The following ZNF546 variants were observed in gnomAD, a reference collection of about 807,000 sequenced individuals.
The protein encoded by ZNF546 is CTC-471F3.6.
In ZNF546, 60 loss-of-function variants were observed where a neutral mutation model predicts 76.2. That is an observed-to-expected ratio of 0.79 (90% CI 0.64 to 0.98). ZNF546 has a LOEUF of 0.98. ZNF546 is among the 50% of genes least tolerant of loss of function. The probability of loss-of-function intolerance (pLI) is 0.00; values close to 1 mark genes in which losing one functional copy is unlikely to be tolerated. For missense variants in ZNF546, 936 were observed against 1,035.6 expected, an observed-to-expected ratio of 0.90 and a Z score of 1.32; for synonymous variants, 277 against 328.1, an observed-to-expected ratio of 0.84 and a Z score of 1.68.
At chr19:40,004,277 TA>T (rs1188782709) in intron 3 of ZNF546, among the ~76,000 whole-genome samples, 1 of 151,856 alleles carries the variant, frequency 6.6e-6, no homozygotes. Flanking sequence ...ATTTTTATTT[TA>T]TTTTTTTGAG....
chr19:40,002,288 TATATG>T (rs763094158), intron 3 of ZNF546, among the ~76,000 whole-genome samples: 1 of 152,252 alleles, frequency 6.6e-6, no homozygotes, highest in Non-Finnish European at 1.5e-5. Flanking sequence ...TATAAGTTGT[TATATG>T]ATAAATGTCT....
intron 3 of ZNF546, among the ~76,000 whole-genome samples, chr19:39,998,788 T>C (rs1360758959): frequency 6.6e-6 from 1 of 152,210 alleles, no homozygotes; most frequent in East Asian, 1.9e-4. Context: ...TTTTTCTTTT[T>C]TTGAGAAGGA....
rs752343867 is a variant in ZNF546, at chr19:40,013,876, A to G, written c.606A>G (p.Ile202Met). The change falls in exon 7 of 7, where the codon ATA becomes ATG. Residue 202 changes from isoleucine (I) to methionine (M), a missense_variant. Ile to Met is a conservative substitution (Grantham distance 10). Coordinates refer to ENST00000347077, the MANE Select transcript of ZNF546 (RefSeq NM_178544.5). ...CVSQMLIQKQISHPLHPKIHA... is the reference protein window; with the variant it reads ...CVSQMLIQKQMSHPLHPKIHA... ...GTCAAATGCTAATCCAAAAACAAAT[A>G]TCTCATCCTCTACATCCAAAAATTC... 5.2e-5 allele frequency: 83 copies of G among 1,607,748 alleles called. 1 individual carries two copies. The highest frequency in any genetic ancestry group is 2.2e-5 in the Non-Finnish European group (26 of 1,177,004).
chr19:40,011,350 CG>C (rs1187118979), intron 6 of ZNF546: 1 of 151,968 alleles, frequency 6.6e-6, no homozygotes, highest in East Asian at 1.9e-4. Context: ...CTCAGCCTCC[CG>C]AGTAGCTAGG....
chr19:40,004,415 G>A (rs1008654339), intron 3 of ZNF546, among the ~76,000 whole-genome samples: 4 of 151,948 alleles, frequency 2.6e-5, no homozygotes, highest in African/African-American at 9.6e-5. Context: ...TTACAGGCAT[G>A]TGCCACCACA....
chr19:39,998,126 T>C, intron 2 of ZNF546, 122 bp from the exon 3 acceptor site: 1 of 558,766 alleles, frequency 1.8e-6, no homozygotes, highest in Non-Finnish European at 3.2e-6. Flanking sequence ...ATTTTTCCCT[T>C]TGAAGAAGTT....
intron 6 of ZNF546, among the ~76,000 whole-genome samples, chr19:40,013,186 T>G (rs1348657010): frequency 6.6e-6 from 1 of 152,218 alleles, no homozygotes; most frequent in Non-Finnish European, 1.5e-5. Flanking sequence ...TACAATAATT[T>G]AGAGTTCTCT....
chr19:40,007,868 C>T, intron 5 of ZNF546, among the ~76,000 whole-genome samples: 1 of 152,162 alleles, frequency 6.6e-6, no homozygotes, highest in Non-Finnish European at 1.5e-5. Flanking sequence ...GAGACATATT[C>T]TCCTTAACCT....
intron 4 of ZNF546, 108 bp downstream of exon 4, chr19:40,006,290 C>CTGCTCCCTAGT (rs1971601454): frequency 2.1e-6 from 2 of 952,850 alleles, no homozygotes; most frequent in Non-Finnish European, 3.2e-6. Flanking sequence ...GTTGTGGAAC[C>CTGCTCCCTAGT]TGCTCCCTAG....
At position 40,015,974 on chromosome 19, in the gene ZNF546, C is replaced by G. The variant is rs1045891961; in HGVS notation, c.*193C>G. ...CCTGTTAGACTTTAGAAGATTGATA[C>G]TGATGCACTGCATCCCAAACCATCA... On this transcript the variant is annotated 3_prime_UTR_variant, in exon 7 of 7. Coordinates refer to ENST00000347077, the MANE Select transcript of ZNF546 (RefSeq NM_178544.5). 5.0e-6 allele frequency: 3 copies of G among 598,484 alleles called. No individual in the cohort carries two copies. The highest frequency in any genetic ancestry group is 8.8e-6 in the Non-Finnish European group (3 of 340,178). The allele number at this position is 598,484 out of a possible 1,614,324, so 37.1% of individuals were successfully genotyped here.
chr19:40,004,944 C>T (rs1971584890), intron 3 of ZNF546, among the ~76,000 whole-genome samples: 1 of 151,760 alleles, frequency 6.6e-6, no homozygotes, highest in South Asian at 2.1e-4. Context: ...TTCTACCTCC[C>T]TGCATGCATC....
At chr19:40,006,306 C>CTGATCA in intron 4 of ZNF546, 124 bp downstream of exon 4, 5 of 676,758 alleles carry the variant, frequency 7.4e-6, no homozygotes, top group African/African-American at 5.7e-5. Context: ...CCTAGTTACT[C>CTGATCA]CCTAGTTACA....
chr19:40,001,683 C>T (rs2144637214), intron 3 of ZNF546, among the ~76,000 whole-genome samples: 1 of 152,232 alleles, frequency 6.6e-6, no homozygotes, highest in South Asian at 2.1e-4. Flanking sequence ...TCTTGATTAT[C>T]TTTCTGGGAG....
rs756340691 is a variant in ZNF546 at position 40,014,178 on chromosome 19, G to T, written c.908G>T (p.Cys303Phe). 2 of 1,613,748 alleles carry T rather than the reference G, an allele frequency of 1.2e-6. No individual in the cohort carries two copies. Among genetic ancestry groups the T allele is most frequent in the Admixed American group, 1.7e-5 (1 of 59,982 alleles). ...CATTCTGGTGTGAAACCCTACGAGT[G>T]TAAGGAATGTGGGAAAGCCTTTAGT... The part of the protein sequence containing the change: ...RIHSGVKPYE[C>F]KECGKAFSRV... Residue 303 changes from cysteine to phenylalanine, a missense_variant, in exon 7 of 7, where the codon TGT (cysteine) becomes TTT (phenylalanine). Transcript: ENST00000347077.
intron 6 of ZNF546, among the ~76,000 whole-genome samples, chr19:40,011,042 A>G (rs939839186): frequency 2.0e-5 from 3 of 152,048 alleles, no homozygotes; most frequent in Admixed American, 1.3e-4. Context: ...AGTCCCTTAT[A>G]TATTCTGGAT....
rs1003850093 is a variant in ZNF546 at position 40,018,337 on chromosome 19, G to A, written c.*2556G>A. On this transcript the variant is annotated 3_prime_UTR_variant, in exon 7 of 7. Coordinates refer to ENST00000347077, the MANE Select transcript of ZNF546 (RefSeq NM_178544.5). Reference sequence around the variant, plus strand: ...TCCCATTAACTGGAATTTGGGATTAGAGACCCAATTAGGGACAGATTAAAT... The same window carrying A: ...TCCCATTAACTGGAATTTGGGATTAAAGACCCAATTAGGGACAGATTAAAT... The A allele has an allele frequency of 3.3e-5, 5 of 152,158 alleles. No homozygotes were observed. The highest frequency in any genetic ancestry group is 1.2e-4 in the African/African-American group (5 of 41,422). The allele number at this position is 152,158 out of a possible 1,614,324, so 9.4% of individuals were successfully genotyped here.
chr19:40,009,291 A>T (rs1033435541), intron 6 of ZNF546, among the ~76,000 whole-genome samples: 1 of 152,250 alleles, frequency 6.6e-6, no homozygotes, highest in Admixed American at 6.5e-5. Context: ...AAAGTAAATT[A>T]TGCCACCTGA....
rs112684356 is a variant in ZNF546 at position 40,000,291 on chromosome 19, T to G, written c.84+1881T>G. ...GGTTAGGTTTTTTTCAGGGTTCCAT[T>G]ATGCAAATAACATTTTCTAGGACAG... is the stretch of plus-strand genomic sequence containing the variant. On this transcript the variant is annotated intron_variant, in intron 3 of 6. Transcript: ENST00000347077. Among the ~76,000 whole-genome samples the G allele has an allele frequency of 3.0e-3, 451 of 152,210 alleles. 1 individual carries two copies. Among genetic ancestry groups the G allele is most frequent in the African/African-American group, 8.8e-3 (365 of 41,528 alleles).
rs1391346347 is a variant in ZNF546 at position 40,015,590 on chromosome 19, G to A, written c.2320G>A (p.Glu774Lys). ...TCGACATCACATAGTTCACACGGGT[G>A]AGAAACCCTATAAATGTAAAGAATG... The part of the protein sequence containing the change: ...LTRHHIVHTG[E>K]KPYKCKECGK... Residue 774 changes from glutamate to lysine, a missense_variant, in exon 7 of 7, where the codon GAG becomes AAG. Glu to Lys is a moderately conservative substitution (Grantham distance 56). Coordinates refer to ENST00000347077, the MANE Select transcript of ZNF546 (RefSeq NM_178544.5). The A allele has an allele frequency of 1.2e-6, 2 of 1,613,986 alleles. No homozygotes were observed. Among genetic ancestry groups the A allele is most frequent in the African/African-American group, 1.3e-5 (1 of 74,908 alleles).
Sources: allele counts gnomAD v4.1 joint callset (sites outside exome capture counted in the v4.1 genomes callset), GRCh38; gene constraint gnomAD v4.1.1; transcripts MANE v1.5; gene names NCBI Gene and HGNC (gene_info 2026-07-23, HGNC 2026-07-21).